PPP1R21: variants seen among roughly 807,000 people sequenced by gnomAD.
PPP1R21 encodes the protein protein phosphatase 1 regulatory subunit 21.
A neutral mutation model predicts 112.8 loss-of-function variants in PPP1R21; 85 were observed. The ratio of observed to expected loss-of-function variants is 0.75; its 90% CI spans 0.63 to 0.90. PPP1R21 has a LOEUF of 0.90. Ranked by LOEUF, PPP1R21 falls within the 40% of genes least tolerant of loss-of-function variation. The pLI is 0.00. For synonymous variants in PPP1R21, 381 were observed against 322.3 expected, an observed-to-expected ratio of 1.18 and a Z score of -1.95; for missense variants, 1,199 against 901.5, an observed-to-expected ratio of 1.33 and a Z score of -4.23.
intron 20 of PPP1R21, among the ~76,000 whole-genome samples, chr2:48,511,049 T>C (rs1670614283): frequency 6.6e-6 from 1 of 152,134 alleles, no homozygotes; most frequent in South Asian, 2.1e-4. Flanking sequence ...TTTAAAAAAT[T>C]GATGTAAATA....
chr2:48,471,696 G>A (rs534396824), intron 11 of PPP1R21, among the ~76,000 whole-genome samples: 4 of 152,072 alleles, frequency 2.6e-5, no homozygotes, highest in Admixed American at 6.5e-5. Context: ...TCTTTGAAAT[G>A]GTGTATTTTC....
intron 11 of PPP1R21, 81 bp from the exon 12 acceptor site, chr2:48,474,602 G>C: frequency 7.9e-7 from 1 of 1,267,522 alleles, no homozygotes; most frequent in South Asian, 1.4e-5. Flanking sequence ...GGATATAGTT[G>C]TTTGAGAACT....
At chr2:48,452,751 G>A (rs1667533537) in intron 2 of PPP1R21, among the ~76,000 whole-genome samples, 1 of 151,920 alleles carries the variant, frequency 6.6e-6, no homozygotes, top group African/African-American at 2.4e-5. Context: ...AAATTTGAAA[G>A]ACATGATAGT....
At chr2:48,442,835 A>G (rs1365725952) in intron 1 of PPP1R21, among the ~76,000 whole-genome samples, 1 of 152,100 alleles carries the variant, frequency 6.6e-6, no homozygotes, top group Non-Finnish European at 1.5e-5. Flanking sequence ...CCTATTATGA[A>G]AGGTTGTGGA....
At chr2:48,511,118 T>C (rs1275388531) in intron 20 of PPP1R21, among the ~76,000 whole-genome samples, 2 of 152,200 alleles carry the variant, frequency 1.3e-5, no homozygotes, top group African/African-American at 4.8e-5. Flanking sequence ...TTGTACAGTG[T>C]GTAATGATCA....
At position 48,451,099 on chromosome 2, in the gene PPP1R21, T is replaced by G. The variant is rs769309682; in HGVS notation, c.126+23T>G. 1.9e-6 allele frequency: 3 copies of G among 1,598,404 alleles called. No individual in the cohort carries two copies. The Admixed American group carries it at 5.0e-5, about 27-fold the overall frequency. On this transcript the variant is annotated intron_variant, in intron 2 of 21. Transcript: ENST00000294952. ...AAGGTGGGCAACAGGATATTTGTGT[T>G]GTGAGGGTTAAGTTAGCATTTGGTG... is the stretch of plus-strand genomic sequence containing the variant.
At chr2:48,454,216 G>A (rs1667607928) in intron 2 of PPP1R21, among the ~76,000 whole-genome samples, 2 of 152,106 alleles carry the variant, frequency 1.3e-5, no homozygotes. Flanking sequence ...AGCTGAGATT[G>A]TGCCACTGCA....
At chr2:48,462,733 G>A (rs1474366605) in intron 7 of PPP1R21, among the ~76,000 whole-genome samples, 2 of 152,180 alleles carry the variant, frequency 1.3e-5, no homozygotes, top group African/African-American at 4.8e-5. Flanking sequence ...GGGGTTGTTG[G>A]AGAAGTTTTT....
intron 13 of PPP1R21, among the ~76,000 whole-genome samples, chr2:48,486,405 A>G (rs1470731688): frequency 6.6e-6 from 1 of 152,206 alleles, no homozygotes; most frequent in Non-Finnish European, 1.5e-5. Flanking sequence ...TGGTGGCTGT[A>G]GTAAAGATAG....
chr2:48,484,975 T>C (rs11125172), intron 13 of PPP1R21, among the ~76,000 whole-genome samples: 145,418 of 152,284 alleles, frequency 0.95, 69,701 homozygotes, highest in Middle Eastern at 0.99. Context: ...CAGTGAAATA[T>C]TGAATAAAAC....
chr2:48,447,136 A>G (rs1667283900), intron 1 of PPP1R21, among the ~76,000 whole-genome samples: 1 of 152,164 alleles, frequency 6.6e-6, no homozygotes, highest in Non-Finnish European at 1.5e-5. Context: ...TTTTAAAGAG[A>G]TGTTTTGTTG....
At chr2:48,467,755 C>G (rs952510360) in intron 9 of PPP1R21, among the ~76,000 whole-genome samples, 1 of 152,284 alleles carries the variant, frequency 6.6e-6, no homozygotes. Context: ...CAGACCAGAC[C>G]AACCTTGAAA....
chr2:48,459,685 C>A, intron 4 of PPP1R21, 69 bp from the exon 5 acceptor site: 1 of 1,525,540 alleles, frequency 6.6e-7, no homozygotes, highest in Non-Finnish European at 8.8e-7. Flanking sequence ...TGAATAGTCA[C>A]TGCTGTTATT....
intron 4 of PPP1R21, among the ~76,000 whole-genome samples, chr2:48,458,508 G>A (rs1410436200): frequency 6.6e-6 from 1 of 151,670 alleles, no homozygotes; most frequent in Non-Finnish European, 1.5e-5. Flanking sequence ...TTTTATATGG[G>A]AAGTGATTAC....
Position 48,480,044 on chromosome 2 carries a change from A to C in PPP1R21, c.1318+28A>C, listed in dbSNP as rs781105047. The C allele has an allele frequency of 1.2e-5, 18 of 1,466,564 alleles. No homozygotes were observed. In the South Asian group the frequency reaches 2.0e-4, roughly 17 times the overall value. 90.8% of individuals were successfully genotyped at this position (1,466,564 alleles called of 1,614,324 possible). A position where few individuals can be genotyped will look rare whatever the true frequency, so the allele number is the denominator to read the frequency against. ...AGGCCTTGAAAAAGAACGTAAGCTTAAAACCTTTGCCCCACTTTCTTCGAT... is the reference window on the plus strand; with the variant it reads ...AGGCCTTGAAAAAGAACGTAAGCTTCAAACCTTTGCCCCACTTTCTTCGAT... On this transcript the variant is annotated intron_variant, in intron 13 of 21. Transcript: ENST00000294952.
At chr2:48,452,336 C>A (rs1453679837) in intron 2 of PPP1R21, among the ~76,000 whole-genome samples, 1 of 151,994 alleles carries the variant, frequency 6.6e-6, no homozygotes, top group Non-Finnish European at 1.5e-5. Context: ...TGTGCTAAGT[C>A]CATTATGTCC....
At chr2:48,465,400 G>T in intron 8 of PPP1R21, 93 bp from the exon 9 acceptor site, 1 of 1,126,696 alleles carries the variant, frequency 8.9e-7, no homozygotes, top group Non-Finnish European at 1.3e-6. Context: ...ATCACACTAG[G>T]ATTCAAATGT....
chr2:48,448,281 AT>A (rs1026719442), intron 1 of PPP1R21, among the ~76,000 whole-genome samples: 9 of 152,078 alleles, frequency 5.9e-5, no homozygotes, highest in Non-Finnish European at 8.8e-5. Context: ...GAAAATCCTA[AT>A]TTTTTTTGTT....
At chr2:48,506,928 G>A (rs926128452) in intron 18 of PPP1R21, among the ~76,000 whole-genome samples, 1 of 146,908 alleles carries the variant, frequency 6.8e-6, no homozygotes, top group Non-Finnish European at 1.5e-5. Context: ...CCTGGTGACG[G>A]AGTGAGACTC....
Sources: gnomAD v4.1 joint callset for allele counts (sites outside exome capture counted in the v4.1 genomes callset) on GRCh38, gnomAD v4.1.1 for gene constraint, MANE v1.5 for transcripts, NCBI Gene and HGNC (gene_info 2026-07-23, HGNC 2026-07-21) for gene names.